The following MSH4 variants were observed in gnomAD, a reference collection of about 807,000 sequenced individuals.
MSH4 encodes mutS homolog 4.
In MSH4, 106 loss-of-function variants were observed where a neutral mutation model predicts 113.7. The ratio of observed to expected loss-of-function variants is 0.93; its 90% CI spans 0.80 to 1.10. MSH4 has a LOEUF of 1.10. Ranked by LOEUF, MSH4 falls within the 50% of genes least tolerant of loss-of-function variation. MSH4 has a pLI of 0.00. For missense variants in MSH4, 1,061 were observed against 1,093.7 expected (o/e 0.97, Z 0.42); for synonymous variants, 368 against 380.2 (o/e 0.97, Z 0.37).
At chr1:75,896,635 A>G (rs1652391158) in intron 17 of MSH4, among the ~76,000 whole-genome samples, 1 of 152,034 alleles carries the variant, frequency 6.6e-6, no homozygotes, top group Non-Finnish European at 1.5e-5. Flanking sequence ...TCTAGTATAA[A>G]TAATTTAATA....
chr1:75,894,057 T>A (rs185895161), intron 17 of MSH4, among the ~76,000 whole-genome samples: 12 of 152,264 alleles, frequency 7.9e-5, no homozygotes, highest in African/African-American at 2.6e-4. Context: ...TTACCATGAC[T>A]ATGAGAAATA....
rs142714046 is a variant in MSH4 at position 75,817,316 on chromosome 1, A to C, written c.989+770A>C. The stretch of plus-strand genomic sequence containing the variant: ...CTTTACTAGTCATTAGGGAACTACA[A>C]ATCAAAACCGCAGTTAGATACCACT... On this transcript the variant is annotated intron_variant, in intron 6 of 19. Coordinates refer to ENST00000263187, the MANE Select transcript of MSH4 (RefSeq NM_002440.4). Among the ~76,000 whole-genome samples the C allele has an allele frequency of 2.6e-5, 4 of 152,334 alleles. No homozygotes were observed. In the East Asian group the frequency reaches 7.7e-4, roughly 29 times the overall value.
chr1:75,832,560 A>G (rs1482072634), intron 7 of MSH4, among the ~76,000 whole-genome samples: 1 of 152,214 alleles, frequency 6.6e-6, no homozygotes, highest in Non-Finnish European at 1.5e-5. Context: ...AACCGAATCC[A>G]GCAGCTCATC....
At chr1:75,845,947 T>C (rs1603734) in intron 7 of MSH4, among the ~76,000 whole-genome samples, 34,200 of 152,098 alleles carry the variant, frequency 0.22, 4,714 homozygotes, top group African/African-American at 0.36. Context: ...ATACCTATTG[T>C]ATTCTGTGTG....
intron 19 of MSH4, among the ~76,000 whole-genome samples, chr1:75,907,661 T>TCTCTCTCC: frequency 6.9e-4 from 1 of 1,458 alleles, no homozygotes; most frequent in Non-Finnish European, 0.011. Flanking sequence ...CCACGGTGTA[T>TCTCTCTCC]CTCTCTCTCT....
chr1:75,797,421 G>A (rs1344615700), intron 1 of MSH4, among the ~76,000 whole-genome samples, 192 bp downstream of exon 1: 2 of 152,148 alleles, frequency 1.3e-5, no homozygotes, highest in Non-Finnish European at 2.9e-5. Flanking sequence ...TCTATTGCAA[G>A]ACCTTGACTG....
intron 7 of MSH4, among the ~76,000 whole-genome samples, chr1:75,827,773 A>G (rs992154614): frequency 1.3e-5 from 2 of 152,184 alleles, no homozygotes; most frequent in African/African-American, 2.4e-5. Context: ...GCATTATATA[A>G]TGGTAAAGGG....
intron 9 of MSH4, among the ~76,000 whole-genome samples, chr1:75,870,203 A>G (rs903594248): frequency 3.9e-4 from 60 of 152,112 alleles, no homozygotes; most frequent in Non-Finnish European, 8.8e-5. Flanking sequence ...ATTTTCTCCC[A>G]TTTGGAATGG....
chr1:75,885,839 A>G (rs1482027351), intron 15 of MSH4, among the ~76,000 whole-genome samples: 1 of 128,070 alleles, frequency 7.8e-6, no homozygotes, highest in African/African-American at 2.9e-5. Context: ...AATGTATTAT[A>G]TATTATATAG....
At chr1:75,823,156 C>T (rs1650459337) in intron 7 of MSH4, among the ~76,000 whole-genome samples, 1 of 152,170 alleles carries the variant, frequency 6.6e-6, no homozygotes, top group African/African-American at 2.4e-5. Flanking sequence ...TCATTGCAAT[C>T]TCTGCTTCTA....
intron 8 of MSH4, among the ~76,000 whole-genome samples, chr1:75,851,719 T>C (rs1015122694): frequency 3.3e-5 from 5 of 152,366 alleles, no homozygotes; most frequent in South Asian, 2.1e-4. Context: ...CTCAGACCAC[T>C]TTAAATAATA....
chr1:75,836,054 C>T (rs1256189251), intron 7 of MSH4, among the ~76,000 whole-genome samples: 1 of 152,166 alleles, frequency 6.6e-6, no homozygotes. Context: ...ACCCAAAATG[C>T]CTGGTAGCCC....
rs140743278 is a variant in MSH4 at position 75,803,777 on chromosome 1, A to G, written c.291A>G (p.Ala97=). 1.0e-4 allele frequency: 164 copies of G among 1,601,082 alleles called. No homozygotes were observed. Among genetic ancestry groups the G allele is most frequent in the South Asian group, 1.5e-4 (13 of 87,592 alleles). Residue 97 remains alanine (A), a synonymous_variant, in exon 2 of 20, where the codon GCA becomes GCG. Coordinates refer to ENST00000263187, the MANE Select transcript of MSH4 (RefSeq NM_002440.4). ...GAGCTTATGCAGAAAACACAGTTGC[A>G]TCAAATTTTACTTTTGGTGCAAGCT... ...NKRAYAENTV[A]SNFTFGASSS...
At chr1:75,802,407 A>G (rs1649958251) in intron 1 of MSH4, among the ~76,000 whole-genome samples, 2 of 152,180 alleles carry the variant, frequency 1.3e-5, no homozygotes, top group Non-Finnish European at 2.9e-5. Flanking sequence ...AAGGAAACTA[A>G]AAGTGGTTTA....
intron 9 of MSH4, among the ~76,000 whole-genome samples, chr1:75,871,437 A>G (rs993530747): frequency 5.9e-5 from 9 of 152,212 alleles, no homozygotes; most frequent in Admixed American, 2.6e-4. Flanking sequence ...TGAAATGCCA[A>G]TGGAAATATG....
chr1:75,842,465 G>T (rs953405847), intron 7 of MSH4, among the ~76,000 whole-genome samples: 1 of 152,064 alleles, frequency 6.6e-6, no homozygotes, highest in Middle Eastern at 3.2e-3. Context: ...TATAAAACAA[G>T]AATAGTTATA....
chr1:75,816,324 AT>A (rs1176805966), intron 5 of MSH4, 48 bp from the exon 6 acceptor site: 1 of 1,249,890 alleles, frequency 8.0e-7, no homozygotes, highest in Admixed American at 2.7e-5. Flanking sequence ...GAAATAGATA[AT>A]TTTTTATATT....
intron 8 of MSH4, 117 bp downstream of exon 8, chr1:75,848,393 G>A: frequency 1.3e-6 from 1 of 751,450 alleles, no homozygotes; most frequent in Non-Finnish European, 2.2e-6. Context: ...CTTCATTATT[G>A]ATATCTGGAG....
chr1:75,828,628 G>T (rs77076286), intron 7 of MSH4, among the ~76,000 whole-genome samples: 1,971 of 152,236 alleles, frequency 0.013, 43 homozygotes, highest in African/African-American at 0.045. Flanking sequence ...GGGATATAAA[G>T]ATGGGAACAA....
Sources: allele counts gnomAD v4.1 joint callset (sites outside exome capture counted in the v4.1 genomes callset), GRCh38; gene constraint gnomAD v4.1.1; transcripts MANE v1.5; gene names NCBI Gene and HGNC (gene_info 2026-07-23, HGNC 2026-07-21).